The following MYO1D variants were observed in gnomAD, a reference collection of about 807,000 sequenced individuals.
The protein encoded by MYO1D is myosin ID.
Under a neutral mutation model 122.0 loss-of-function variants are expected in MYO1D, and 83 were observed. The ratio of observed to expected loss-of-function variants is 0.68; its 90% confidence interval spans 0.57 to 0.82. MYO1D has a LOEUF of 0.82. Among genes scored for constraint, MYO1D ranks in the 40% least tolerant of loss-of-function variants. MYO1D has a pLI of 0.00. For synonymous variants in MYO1D, 464 were observed against 446.9 expected (o/e 1.04, Z -0.48); for missense variants, 1,157 against 1,269.5 (o/e 0.91, Z 1.35).
intron 21 of MYO1D, among the ~76,000 whole-genome samples, chr17:32,601,649 G>A (rs978657330): frequency 2.6e-5 from 4 of 152,190 alleles, no homozygotes; most frequent in Non-Finnish European, 5.9e-5. Context: ...CTCCTCTCTA[G>A]CTATGAAAGT....
At chr17:32,767,858 C>T in intron 6 of MYO1D, 106 bp from the exon 7 acceptor site, 1 of 723,032 alleles carries the variant, frequency 1.4e-6, no homozygotes, top group Non-Finnish European at 2.4e-6. Flanking sequence ...CATAGTAAAT[C>T]ACTTGAGGGG....
At chr17:32,504,340 TTC>T (rs1909422595) in intron 21 of MYO1D, among the ~76,000 whole-genome samples, 1 of 152,168 alleles carries the variant, frequency 6.6e-6, no homozygotes, top group Non-Finnish European at 1.5e-5. Context: ...CATTCTTCCC[TTC>T]CCTGCCCACG....
chr17:32,591,557 T>C (rs1372914468), intron 21 of MYO1D, among the ~76,000 whole-genome samples: 2 of 152,158 alleles, frequency 1.3e-5, no homozygotes, highest in Non-Finnish European at 2.9e-5. Context: ...CCCTTTTCTC[T>C]GAGCCTCAGC....
rs529154418 is a variant in MYO1D, at chr17:32,636,932, T to A, written c.2709+1790A>T. ...AATACGAGACGGTATGGGCAGGGTG[T>A]TGACAGCATCTGCAACGGGGTGTAT... On this transcript the variant is annotated intron_variant, in intron 20 of 21. Transcript: ENST00000318217. Among the ~76,000 whole-genome samples, 7 of 152,354 alleles carry A rather than the reference T, an allele frequency of 4.6e-5. No individual in the cohort carries two copies. In the East Asian group the frequency reaches 1.3e-3, roughly 29 times the overall value.
intron 20 of MYO1D, among the ~76,000 whole-genome samples, chr17:32,626,981 A>G (rs2087936065): frequency 6.6e-6 from 1 of 152,220 alleles, no homozygotes. Context: ...GTATTTTTCT[A>G]AATTTCTCTA....
At chr17:32,649,956 TA>T (rs2150947665) in intron 19 of MYO1D, among the ~76,000 whole-genome samples, 1 of 152,320 alleles carries the variant, frequency 6.6e-6, no homozygotes, top group South Asian at 2.1e-4. Context: ...TATGCTGCCA[TA>T]AACATTGGTA....
chr17:32,857,065 T>C (rs1291071806), intron 1 of MYO1D, among the ~76,000 whole-genome samples: 1 of 152,230 alleles, frequency 6.6e-6, no homozygotes. Context: ...TTATGTGACT[T>C]TGGCAAAGCC....
chr17:32,621,325 A>G (rs2087852947), intron 20 of MYO1D, among the ~76,000 whole-genome samples: 2 of 152,040 alleles, frequency 1.3e-5, no homozygotes, highest in South Asian at 4.1e-4. Context: ...ACCCTCTCAT[A>G]GAACTTCATG....
intron 14 of MYO1D, among the ~76,000 whole-genome samples, chr17:32,737,129 T>TA (rs1249298401): frequency 1.3e-5 from 2 of 152,016 alleles, no homozygotes; most frequent in African/African-American, 2.4e-5. Flanking sequence ...GTTGATTTTT[T>TA]AAAAAAAGAT....
At chr17:32,606,793 G>A (rs2087633227) in intron 20 of MYO1D, among the ~76,000 whole-genome samples, 1 of 152,224 alleles carries the variant, frequency 6.6e-6, no homozygotes, top group Admixed American at 6.5e-5. Flanking sequence ...AGCAATGCAA[G>A]GATTTCCACT....
chr17:32,624,348 G>A (rs766531373), intron 20 of MYO1D, among the ~76,000 whole-genome samples: 38 of 151,176 alleles, frequency 2.5e-4, no homozygotes, highest in Non-Finnish European at 3.4e-4. Flanking sequence ...CATTGCGCCC[G>A]GCCGGCCTGG....
At chr17:32,828,515 CAAAAAAAAAAAAAA>C (rs137921871) in intron 1 of MYO1D, among the ~76,000 whole-genome samples, 7 of 71,810 alleles carry the variant, frequency 9.7e-5, no homozygotes, top group Non-Finnish European at 1.5e-4. Flanking sequence ...GACTCCGTCT[CAAAAAAAAAAAAAA>C]AAAAAAAAAA....
At chr17:32,591,084 G>C (rs1243530922) in intron 21 of MYO1D, among the ~76,000 whole-genome samples, 1 of 152,234 alleles carries the variant, frequency 6.6e-6, no homozygotes, top group Non-Finnish European at 1.5e-5. Context: ...GTAAAGCTGA[G>C]GATGACTGTG....
chr17:32,643,482 A>C (rs2088235367), intron 19 of MYO1D, among the ~76,000 whole-genome samples: 1 of 152,184 alleles, frequency 6.6e-6, no homozygotes, highest in South Asian at 2.1e-4. Context: ...TGATTGGAAT[A>C]GTTTCAGAAG....
At chr17:32,594,212 A>T (rs1030171409) in intron 21 of MYO1D, 3 of 203,982 alleles carry the variant, frequency 1.5e-5, no homozygotes, top group Admixed American at 5.9e-5. Context: ...TATGTTTTAA[A>T]TTACCATATT....
At chr17:32,605,057 C>T (rs368142363) in intron 21 of MYO1D, 30 bp downstream of exon 21, 26 of 1,541,600 alleles carry the variant, frequency 1.7e-5, no homozygotes, top group South Asian at 2.5e-5. Flanking sequence ...AGATTTAAAA[C>T]GTGTCTTAGT....
intron 16 of MYO1D, among the ~76,000 whole-genome samples, chr17:32,687,128 A>AC (rs201920676): frequency 6.7e-6 from 1 of 149,068 alleles, no homozygotes; most frequent in Non-Finnish European, 1.5e-5. Context: ...TTTCCCCCTT[A>AC]CCCCCCGCCC....
At chr17:32,632,494 C>G (rs920536789) in intron 20 of MYO1D, 1 of 150,374 alleles carries the variant, frequency 6.7e-6, no homozygotes, top group Non-Finnish European at 1.5e-5. Context: ...ATGCTGCATT[C>G]GTGTATGTGC....
intron 17 of MYO1D, chr17:32,658,856 T>A (rs1003205279): frequency 4.2e-6 from 2 of 477,776 alleles, no homozygotes; most frequent in South Asian, 2.7e-5. Context: ...TAGTAGCTTA[T>A]CTTAACTATG....
Sources: gnomAD v4.1 joint callset for allele counts (sites outside exome capture counted in the v4.1 genomes callset) on GRCh38, gnomAD v4.1.1 for gene constraint, MANE v1.5 for transcripts, NCBI Gene and HGNC (gene_info 2026-07-23, HGNC 2026-07-21) for gene names.